NCAM1: variants seen among roughly 807,000 people sequenced by gnomAD.
NCAM1 encodes the protein neural cell adhesion molecule 1.
In NCAM1, 14 loss-of-function variants were observed where a neutral mutation model predicts 109.8. That is an observed-to-expected ratio of 0.13 (90% confidence interval 0.08 to 0.20). The LOEUF (loss-of-function observed/expected upper bound fraction) is 0.20. Among genes scored for constraint, NCAM1 ranks in the 10% least tolerant of loss-of-function variants. The pLI is 1.00. For synonymous variants in NCAM1, 418 were observed against 442.9 expected (o/e 0.94, Z 0.70); for missense variants, 774 against 1,109.9 (o/e 0.70, Z 4.30).
intron 1 of NCAM1, among the ~76,000 whole-genome samples, chr11:112,965,483 A>T (rs560601604): frequency 1.1e-4 from 16 of 152,236 alleles, no homozygotes; most frequent in Non-Finnish European, 1.0e-4. Context: ...TGTCACAAGG[A>T]ACAATGTCTT....
chr11:113,242,313 A>G (rs1780247067), intron 14 of NCAM1, among the ~76,000 whole-genome samples: 1 of 152,188 alleles, frequency 6.6e-6, no homozygotes, highest in African/African-American at 2.4e-5. Context: ...ATGTATATTA[A>G]GAGTCTTTTA....
chr11:113,088,928 C>T (rs1180187234), intron 1 of NCAM1, among the ~76,000 whole-genome samples: 1 of 152,106 alleles, frequency 6.6e-6, no homozygotes, highest in Non-Finnish European at 1.5e-5. Context: ...TAATTGGCAA[C>T]AGTATGCGTT....
rs548447635 is a variant in NCAM1, at chr11:113,045,477, C to T, written c.52+83813C>T. On this transcript the variant is annotated intron_variant, in intron 1 of 19. Transcript: ENST00000316851. The stretch of plus-strand genomic sequence containing the variant: ...GCGCCCTGGGAGAGGCAATTCCCTT[C>T]CCACTTTACTCCCTAAAACAGCCCT... 1.4e-4 allele frequency among the ~76,000 whole-genome samples: 21 copies of T among 152,272 alleles called. No homozygotes were observed. In the South Asian group the frequency reaches 4.1e-3, roughly 30 times the overall value.
intron 1 of NCAM1, among the ~76,000 whole-genome samples, chr11:113,022,363 C>A (rs534085789): frequency 6.6e-6 from 1 of 152,274 alleles, no homozygotes; most frequent in African/African-American, 2.4e-5. Context: ...TTTGTTGTTT[C>A]TATTCTGGAC....
At chr11:113,097,433 C>T (rs1378890488) in intron 1 of NCAM1, among the ~76,000 whole-genome samples, 5 of 152,106 alleles carry the variant, frequency 3.3e-5, no homozygotes, top group African/African-American at 9.7e-5. Context: ...TTGTTGAGTT[C>T]AACTGAAATG....
At chr11:113,029,458 G>A (rs1049603302) in intron 1 of NCAM1, among the ~76,000 whole-genome samples, 1 of 152,162 alleles carries the variant, frequency 6.6e-6, no homozygotes, top group African/African-American at 2.4e-5. Flanking sequence ...AAGTGTATAT[G>A]CACATTTTAA....
chr11:113,177,982 T>A (rs1196338803), intron 1 of NCAM1, among the ~76,000 whole-genome samples: 2 of 152,100 alleles, frequency 1.3e-5, no homozygotes, highest in Non-Finnish European at 2.9e-5. Context: ...GTGGGAGGAA[T>A]GCTATTTTAG....
chr11:113,169,756 T>C (rs145207399), intron 1 of NCAM1, among the ~76,000 whole-genome samples: 10 of 151,234 alleles, frequency 6.6e-5, no homozygotes, highest in African/African-American at 2.4e-4. Context: ...GCCTACAGAG[T>C]AGCTGGGATG....
intron 1 of NCAM1, among the ~76,000 whole-genome samples, chr11:113,011,016 G>A (rs60660288): frequency 0.13 from 20,379 of 151,012 alleles, 1,413 homozygotes; most frequent in African/African-American, 0.15. Flanking sequence ...CATTGTGCAG[G>A]TTAGTTACAT....
At chr11:113,064,133 GGCCT>G (rs1441138794) in intron 1 of NCAM1, among the ~76,000 whole-genome samples, 1 of 152,180 alleles carries the variant, frequency 6.6e-6, no homozygotes, top group Non-Finnish European at 1.5e-5. Context: ...TCCATTCAGT[GGCCT>G]GCCTGATATT....
chr11:113,037,266 G>A lies in NCAM1; in HGVS notation c.52+75602G>A, dbSNP rs117017893. 4.8e-3 allele frequency among the ~76,000 whole-genome samples: 730 copies of A among 152,240 alleles called. 4 individuals carry two copies. The highest frequency in any genetic ancestry group is 8.7e-3 in the South Asian group (42 of 4,808). On this transcript the variant is annotated intron_variant, in intron 1 of 19. Transcript: ENST00000316851. ...TTTTAAGATGAAGCAATTGAAGCTC[G>A]GAAAAGTTACAGGATTGCTCAGAAT... is the stretch of plus-strand genomic sequence containing the variant.
At position 113,117,206 on chromosome 11, in the gene NCAM1, T is replaced by C. The variant is rs58177082; in HGVS notation, c.53-85173T>C. Among the ~76,000 whole-genome samples, 3 of 152,144 alleles carry C rather than the reference T, an allele frequency of 2.0e-5. No individual in the cohort carries two copies. The East Asian group carries it at 5.8e-4, about 29-fold the overall frequency. On this transcript the variant is annotated intron_variant, in intron 1 of 19. Coordinates refer to ENST00000316851, the MANE Select transcript of NCAM1 (RefSeq NM_181351.5). ...ATTTAGTGGCCAGCAAAAACTGTTA[T>C]GAGGGAGCAAACTAATACATCAGAA...
chr11:113,056,312 G>A (rs2135447800), intron 1 of NCAM1, among the ~76,000 whole-genome samples: 1 of 151,846 alleles, frequency 6.6e-6, no homozygotes, highest in Middle Eastern at 3.4e-3. Context: ...AAATAGTAAG[G>A]ATGAATTCTT....
chr11:113,046,358 C>T (rs1591279242), intron 1 of NCAM1, among the ~76,000 whole-genome samples: 1 of 152,318 alleles, frequency 6.6e-6, no homozygotes, highest in South Asian at 2.1e-4. Flanking sequence ...AATGTCAGAG[C>T]TTGAACTCTT....
intron 1 of NCAM1, among the ~76,000 whole-genome samples, chr11:113,075,320 T>C (rs907801394): frequency 6.6e-6 from 1 of 152,170 alleles, no homozygotes; most frequent in Non-Finnish European, 1.5e-5. Context: ...TCCTCCCACC[T>C]TGGCCTCCTA....
intron 1 of NCAM1, among the ~76,000 whole-genome samples, chr11:113,031,273 T>C (rs74574861): frequency 6.6e-6 from 1 of 152,236 alleles, no homozygotes; most frequent in East Asian, 1.9e-4. Flanking sequence ...ATTTTCCTTG[T>C]AAGGCACATC....
rs1946391362 is a variant in NCAM1 at position 113,275,821 on chromosome 11, TA to T, written c.*436del. ...GAGAAATACTTTCAGGCACTAAGACTAATCGAATGAACAAAGTCCACAGTTT... is the reference window on the plus strand; with the variant it reads ...GAGAAATACTTTCAGGCACTAAGACTATCGAATGAACAAAGTCCACAGTTT... On this transcript the variant is annotated 3_prime_UTR_variant, in exon 20 of 20. Coordinates refer to ENST00000316851, the MANE Select transcript of NCAM1 (RefSeq NM_181351.5). 6.4e-6 allele frequency: 1 copy of T among 155,276 alleles called. No individual in the cohort carries two copies. Among genetic ancestry groups the T allele is most frequent in the Non-Finnish European group, 1.4e-5 (1 of 69,888 alleles). The allele number at this position is 155,276 out of a possible 1,614,324, so 9.6% of individuals were successfully genotyped here. A position where few individuals can be genotyped will look rare whatever the true frequency, so the allele number is the denominator to read the frequency against.
At chr11:113,067,954 A>T (rs2511762) in intron 1 of NCAM1, among the ~76,000 whole-genome samples, 78,526 of 142,538 alleles carry the variant, frequency 0.55, 21,501 homozygotes, top group Middle Eastern at 0.6. Flanking sequence ...TCTGTCACCC[A>T]GGCTGAAGTG....
intron 1 of NCAM1, among the ~76,000 whole-genome samples, chr11:113,152,994 G>T (rs75794878): frequency 0.12 from 18,368 of 152,018 alleles, 1,721 homozygotes; most frequent in East Asian, 0.24. Flanking sequence ...AGATTCAATT[G>T]CTGGTAGTTC....
Sources: gnomAD v4.1 joint callset for allele counts (sites outside exome capture counted in the v4.1 genomes callset) on GRCh38, gnomAD v4.1.1 for gene constraint, MANE v1.5 for transcripts, NCBI Gene and HGNC (gene_info 2026-07-23, HGNC 2026-07-21) for gene names.